The following ZPLD1 variants were observed in gnomAD, a reference collection of about 807,000 sequenced individuals.
ZPLD1 encodes the protein zona pellucida-like domain-containing protein 1.
A neutral mutation model predicts 47.2 loss-of-function variants in ZPLD1; 34 were observed. That is an observed-to-expected ratio of 0.72 (90% CI 0.55 to 0.96). ZPLD1 has a LOEUF of 0.96. Among genes scored for constraint, ZPLD1 ranks in the 40% least tolerant of loss-of-function variants. ZPLD1 has a pLI of 0.00. For missense variants in ZPLD1, 512 were observed against 505.8 expected (o/e 1.01, Z -0.12); for synonymous variants, 176 against 186.2 (o/e 0.95, Z 0.45).
chr3:102,433,042 CTTAGAAG>C (rs1344340519), upstream of ZPLD1, among the ~76,000 whole-genome samples: 3 of 152,140 alleles, frequency 2.0e-5, no homozygotes, highest in East Asian at 1.9e-4. Flanking sequence ...TTCCTTCTGA[CTTAGAAG>C]TTAGAATGTA....
intron 3 of ZPLD1, among the ~76,000 whole-genome samples, chr3:102,439,700 C>T (rs1014101128): frequency 1.3e-5 from 2 of 152,042 alleles, no homozygotes; most frequent in African/African-American, 4.8e-5. Flanking sequence ...TTTGTCCTTA[C>T]CACTCCCATC....
At chr3:102,410,996 G>A (rs1034660544) in intron 7 of ZPLD1, among the ~76,000 whole-genome samples, 1 of 151,742 alleles carries the variant, frequency 6.6e-6, no homozygotes, top group African/African-American at 2.4e-5. Context: ...GGTTAAAAAT[G>A]TTTCAGGAAA....
intron 9 of ZPLD1, among the ~76,000 whole-genome samples, chr3:102,469,419 T>C (rs540234073): frequency 6.6e-6 from 1 of 152,324 alleles, no homozygotes; most frequent in South Asian, 2.1e-4. Context: ...AAAAATCTTA[T>C]GGTGCAAAGG....
rs1165717033 is a variant in ZPLD1, at chr3:102,479,549, A to T, written c.*1931A>T. On this transcript the variant is annotated 3_prime_UTR_variant, in exon 12 of 12. Coordinates refer to ENST00000466937, the MANE Select transcript of ZPLD1 (RefSeq NM_001329788.2). ...AATAATGGACACATGTCACTTGGGA[A>T]GCAACGTAAGTATCACATTATTTTT... 1 of 152,210 alleles carries T rather than the reference A, an allele frequency of 6.6e-6. No homozygotes were observed. The highest frequency in any genetic ancestry group is 1.9e-4 in the East Asian group (1 of 5,198). 9.4% of individuals were successfully genotyped at this position (152,210 alleles called of 1,614,324 possible).
chr3:102,475,712 A>C (rs1056490607), intron 10 of ZPLD1, among the ~76,000 whole-genome samples: 7 of 152,148 alleles, frequency 4.6e-5, no homozygotes, highest in Non-Finnish European at 7.4e-5. Context: ...TTTGTCCTAT[A>C]GCGATGCATT....
upstream of ZPLD1, among the ~76,000 whole-genome samples, chr3:102,434,590 T>G (rs562712431): frequency 6.6e-6 from 1 of 152,288 alleles, no homozygotes; most frequent in East Asian, 1.9e-4. Context: ...TCCCATCAAT[T>G]TAAACTTATG....
intron 8 of ZPLD1, among the ~76,000 whole-genome samples, chr3:102,424,406 A>G (rs1706916901): frequency 6.6e-6 from 1 of 152,196 alleles, no homozygotes; most frequent in East Asian, 1.9e-4. Flanking sequence ...ATATATTTAT[A>G]ACAAGCATCC....
Position 102,472,005 on chromosome 3 carries a change from A to G in ZPLD1, c.1042+1503A>G, listed in dbSNP as rs16845051. 7.4e-3 allele frequency among the ~76,000 whole-genome samples: 1,123 copies of G among 152,270 alleles called. 13 individuals are homozygous for G. Among genetic ancestry groups the G allele is most frequent in the African/African-American group, 0.026 (1,067 of 41,542 alleles). On this transcript the variant is annotated intron_variant, in intron 10 of 11. Coordinates refer to ENST00000466937, the MANE Select transcript of ZPLD1 (RefSeq NM_001329788.2). ...ATCTTTTCTCCATGCTGCCCATCCC[A>G]CAGTCAAAAGAAAGTTTTGCCTGAA...
chr3:102,463,613 T>C (rs113356252), intron 7 of ZPLD1, among the ~76,000 whole-genome samples: 6 of 152,242 alleles, frequency 3.9e-5, no homozygotes, highest in African/African-American at 1.4e-4. Context: ...AGTAGGTGTA[T>C]ATATTTATGG....
intron 8 of ZPLD1, among the ~76,000 whole-genome samples, chr3:102,418,584 C>T (rs1486247914): frequency 1.3e-5 from 2 of 151,932 alleles, no homozygotes; most frequent in Non-Finnish European, 2.9e-5. Context: ...TTTGCCACAT[C>T]GTTGTGCTTC....
At chr3:102,474,003 C>T (rs909253621) in intron 10 of ZPLD1, among the ~76,000 whole-genome samples, 1 of 152,152 alleles carries the variant, frequency 6.6e-6, no homozygotes, top group Non-Finnish European at 1.5e-5. Flanking sequence ...CCCTAGACAT[C>T]TAGCTTAGGT....
chr3:102,449,103 G>A (rs1707299335), intron 3 of ZPLD1, among the ~76,000 whole-genome samples: 1 of 152,176 alleles, frequency 6.6e-6, no homozygotes, highest in African/African-American at 2.4e-5. Context: ...AATTACAAAT[G>A]GATGGGAACT....
At chr3:102,412,285 G>A (rs181217422) in intron 7 of ZPLD1, among the ~76,000 whole-genome samples, 6 of 151,810 alleles carry the variant, frequency 4.0e-5, no homozygotes, top group East Asian at 3.9e-4. Flanking sequence ...AAAATTAATC[G>A]TCATACTTGC....
intron 7 of ZPLD1, among the ~76,000 whole-genome samples, chr3:102,398,936 A>G (rs1706588685): frequency 6.6e-6 from 1 of 152,128 alleles, no homozygotes; most frequent in Admixed American, 6.6e-5. Flanking sequence ...ATAACTTTAT[A>G]TTCATGCCCC....
At position 102,479,397 on chromosome 3, in the gene ZPLD1, G is replaced by A. The variant is rs918052942; in HGVS notation, c.*1779G>A. On this transcript the variant is annotated 3_prime_UTR_variant, in exon 12 of 12. Coordinates refer to ENST00000466937, the MANE Select transcript of ZPLD1 (RefSeq NM_001329788.2). ...TTAAGTGAATTGCCATTGATTCTAC[G>A]ATTAAGTTCTGTGAATAGGACATTA... The A allele has an allele frequency of 1.3e-5, 2 of 152,064 alleles. No homozygotes were observed. The highest frequency in any genetic ancestry group is 4.8e-5 in the African/African-American group (2 of 41,414). 9.4% of individuals were successfully genotyped at this position (152,064 alleles called of 1,614,324 possible). A position where few individuals can be genotyped will look rare whatever the true frequency, so the allele number is the denominator to read the frequency against.
intron 7 of ZPLD1, among the ~76,000 whole-genome samples, chr3:102,407,392 AAT>A (rs63183460): frequency 0.034 from 1,279 of 37,616 alleles, 15 homozygotes; most frequent in Non-Finnish European, 0.057. Context: ...TTGATTTTCA[AAT>A]ATATATATAT....
At chr3:102,389,367 A>G (rs933735188) in intron 6 of ZPLD1, among the ~76,000 whole-genome samples, 5 of 152,180 alleles carry the variant, frequency 3.3e-5, no homozygotes, top group Admixed American at 6.5e-5. Flanking sequence ...TCTTAGTGGG[A>G]GGGCTTTAAG....
chr3:102,444,459 C>A (rs1055625415), intron 3 of ZPLD1, among the ~76,000 whole-genome samples: 1 of 152,128 alleles, frequency 6.6e-6, no homozygotes, highest in Non-Finnish European at 1.5e-5. Flanking sequence ...GGACTTCTAG[C>A]TCTTTTAGCA....
At chr3:102,430,637 G>C (rs576206728), upstream of ZPLD1, among the ~76,000 whole-genome samples, 1 of 152,302 alleles carries the variant, frequency 6.6e-6, no homozygotes, top group Non-Finnish European at 1.5e-5. Flanking sequence ...GGTTGACAAA[G>C]ATGTGAAATT....
Sources: allele counts gnomAD v4.1 joint callset (sites outside exome capture counted in the v4.1 genomes callset), GRCh38; gene constraint gnomAD v4.1.1; transcripts MANE v1.5; gene names NCBI Gene and HGNC (gene_info 2026-07-23, HGNC 2026-07-21).